EPS15L1: variants seen among roughly 807,000 people sequenced by gnomAD.
EPS15L1 encodes epidermal growth factor receptor substrate 15-like 1.
In EPS15L1, 43 loss-of-function variants were observed where a neutral mutation model predicts 117.1. The ratio of observed to expected loss-of-function variants is 0.37; its 90% confidence interval spans 0.29 to 0.47. EPS15L1 has a LOEUF of 0.47. Ranked by LOEUF, EPS15L1 falls within the 20% of genes least tolerant of loss-of-function variation. The pLI is 0.99. For missense variants in EPS15L1, 981 were observed against 1,164.0 expected (o/e 0.84, Z 2.29); for synonymous variants, 459 against 470.5 (o/e 0.98, Z 0.32).
chr19:16,461,667 T>C (rs1027069946), intron 1 of EPS15L1, among the ~76,000 whole-genome samples: 3 of 152,044 alleles, frequency 2.0e-5, no homozygotes, highest in East Asian at 3.9e-4. Context: ...TTTCTACAGA[T>C]TGGCGTAATG....
At chr19:16,372,267 G>A (rs2092235534) in intron 22 of EPS15L1, among the ~76,000 whole-genome samples, 3 of 152,198 alleles carry the variant, frequency 2.0e-5, no homozygotes, top group Admixed American at 2.0e-4. Flanking sequence ...GGGTCCACCT[G>A]TGACTGTCCA....
chr19:16,425,375 A>G (rs2092861050), intron 8 of EPS15L1, 59 bp from the exon 9 acceptor site: 2 of 1,238,508 alleles, frequency 1.6e-6, no homozygotes, highest in East Asian at 5.0e-5. Context: ...GACCATCAGG[A>G]GAAGGCAGAG....
intron 19 of EPS15L1, among the ~76,000 whole-genome samples, chr19:16,389,692 G>A (rs1474072636): frequency 6.6e-6 from 1 of 152,124 alleles, no homozygotes; most frequent in African/African-American, 2.4e-5. Flanking sequence ...AGTTTCTAAT[G>A]TATTTAGATG....
chr19:16,417,407 G>T, intron 12 of EPS15L1, 145 bp downstream of exon 12: 1 of 691,810 alleles, frequency 1.4e-6, no homozygotes, highest in Non-Finnish European at 2.6e-6. Context: ...AGCCAGTTTA[G>T]GACCTCAGAA....
intron 7 of EPS15L1, among the ~76,000 whole-genome samples, chr19:16,432,682 G>T (rs908780995): frequency 4.6e-5 from 7 of 151,988 alleles, no homozygotes; most frequent in African/African-American, 1.7e-4. Flanking sequence ...TGAGGCAGGA[G>T]AATTGCTTGA....
chr19:16,457,138 GAGA>G (rs1456922941), intron 1 of EPS15L1, among the ~76,000 whole-genome samples: 1 of 152,230 alleles, frequency 6.6e-6, no homozygotes, highest in East Asian at 1.9e-4. Flanking sequence ...CAGACACCCG[GAGA>G]AGGAGGACAT....
rs2092644482 is a variant in EPS15L1 at position 16,405,243 on chromosome 19, A to G, written c.1267-494T>C. Reference sequence around the variant, plus strand: ...GCCAGGGACAGAGCCTGGCGGAGGGAACCACAGGGACCCCAGGGTCGGGGG... The same window carrying G: ...GCCAGGGACAGAGCCTGGCGGAGGGGACCACAGGGACCCCAGGGTCGGGGG... On this transcript the variant is annotated intron_variant, in intron 13 of 23. Coordinates refer to ENST00000455140, the MANE Select transcript of EPS15L1 (RefSeq NM_001258374.3). This position sits in a 1 kb window ranked among gnomAD's most constrained non-coding sequence, Gnocchi z 4.0. 6.6e-6 allele frequency among the ~76,000 whole-genome samples: 1 copy of G among 152,140 alleles called. No individual in the cohort carries two copies. The highest frequency in any genetic ancestry group is 1.5e-5 in the Non-Finnish European group (1 of 68,026).
chr19:16,385,690 G>A (rs890752061), intron 20 of EPS15L1, among the ~76,000 whole-genome samples: 6 of 152,124 alleles, frequency 3.9e-5, no homozygotes, highest in Non-Finnish European at 8.8e-5. Flanking sequence ...CAAGCTGCAG[G>A]ACCAAGCGGG....
intron 16 of EPS15L1, among the ~76,000 whole-genome samples, chr19:16,400,017 T>C (rs1347141501): frequency 1.3e-5 from 2 of 152,152 alleles, no homozygotes; most frequent in East Asian, 1.9e-4. Flanking sequence ...AATCAGATGA[T>C]AGACAAGAAA....
At chr19:16,406,297 G>A (rs2092655761) in intron 13 of EPS15L1, among the ~76,000 whole-genome samples, 1 of 145,124 alleles carries the variant, frequency 6.9e-6, no homozygotes, top group Admixed American at 7.8e-5. Flanking sequence ...GGATCTGGAG[G>A]GGACAATCAG....
intron 1 of EPS15L1, among the ~76,000 whole-genome samples, chr19:16,457,463 C>T (rs187022768): frequency 2.6e-5 from 4 of 152,248 alleles, no homozygotes; most frequent in African/African-American, 9.6e-5. Context: ...GTGGAGCACC[C>T]GCACCAAAGC....
intron 12 of EPS15L1, among the ~76,000 whole-genome samples, chr19:16,417,197 TG>T (rs1032317176): frequency 6.6e-6 from 1 of 152,016 alleles, no homozygotes; most frequent in Non-Finnish European, 1.5e-5. Context: ...ATGACCTGCC[TG>T]GGACCACACA....
rs2092634544 is a variant in EPS15L1, at chr19:16,404,458, G to A, written c.1428+130C>T. 9.5e-7 allele frequency: 1 copy of A among 1,051,334 alleles called. No homozygotes were observed. Among genetic ancestry groups the A allele is most frequent in the Non-Finnish European group, 1.4e-6 (1 of 730,310 alleles). The allele number at this position is 1,051,334 out of a possible 1,614,324, so 65.1% of individuals were successfully genotyped here. A position where few individuals can be genotyped will look rare whatever the true frequency, so the allele number is the denominator to read the frequency against. ...GTGCTTGGACACTTTTCCACGTGGTGTTTGGAGGAACTCTATTGACCCAGT... is the reference window on the plus strand; with the variant it reads ...GTGCTTGGACACTTTTCCACGTGGTATTTGGAGGAACTCTATTGACCCAGT... On this transcript the variant is annotated intron_variant, in intron 14 of 23. Coordinates refer to ENST00000455140, the MANE Select transcript of EPS15L1 (RefSeq NM_001258374.3). The surrounding 1 kb of genome is among the most constrained non-coding windows in gnomAD (Gnocchi z 4.2).
At position 16,438,023 on chromosome 19, in the gene EPS15L1, C is replaced by T. The variant is rs547061580; in HGVS notation, c.214-158G>A. Among the ~76,000 whole-genome samples the T allele has an allele frequency of 6.6e-5, 10 of 152,300 alleles. No homozygotes were observed. The South Asian group carries it at 1.7e-3, about 25-fold the overall frequency. On this transcript the variant is annotated intron_variant, in intron 4 of 23. Transcript: ENST00000455140. ...TTGGAGCGTTGGGCTGAACTGGACTCACCTTGGGGACATCGCTTAAATGAA... is the reference window on the plus strand; with the variant it reads ...TTGGAGCGTTGGGCTGAACTGGACTTACCTTGGGGACATCGCTTAAATGAA...
At chr19:16,406,702 A>G (rs1414937992) in intron 13 of EPS15L1, among the ~76,000 whole-genome samples, 1 of 152,092 alleles carries the variant, frequency 6.6e-6, no homozygotes, top group Non-Finnish European at 1.5e-5. Context: ...TCCCTCCTTT[A>G]CCTCCTCCTC....
At chr19:16,369,009 G>A (rs1048305347) in intron 22 of EPS15L1, among the ~76,000 whole-genome samples, 1 of 152,226 alleles carries the variant, frequency 6.6e-6, no homozygotes, top group African/African-American at 2.4e-5. Flanking sequence ...TTAGCTGCGG[G>A]GAGAGGGGAG....
intron 23 of EPS15L1, chr19:16,358,324 G>A (rs200580041): frequency 1.6e-3 from 238 of 153,182 alleles, no homozygotes; most frequent in Non-Finnish European, 2.5e-3. Context: ...GCTGGGCTGT[G>A]AGGCCTGGGA....
chr19:16,387,069 G>A (rs1006757745), intron 19 of EPS15L1, among the ~76,000 whole-genome samples: 5 of 152,206 alleles, frequency 3.3e-5, no homozygotes, highest in Non-Finnish European at 1.5e-5. Flanking sequence ...CAGGGACAAC[G>A]TAAAACGGTG....
chr19:16,429,729 C>T (rs866934126), intron 7 of EPS15L1, among the ~76,000 whole-genome samples: 3 of 152,166 alleles, frequency 2.0e-5, no homozygotes, highest in Admixed American at 1.3e-4. Flanking sequence ...GAGCCCCTGA[C>T]GGTAGCAGGT....
Sources: gnomAD v4.1 joint callset for allele counts (sites outside exome capture counted in the v4.1 genomes callset) on GRCh38, gnomAD v4.1.1 for gene constraint, Gnocchi (gnomAD v3.1) non-coding constraint, MANE v1.5 for transcripts, NCBI Gene and HGNC (gene_info 2026-07-23, HGNC 2026-07-21) for gene names.